Variants in BMPR1B observed in about 807,000 individuals in gnomAD.
The protein encoded by BMPR1B is bone morphogenetic protein receptor type 1B.
A neutral mutation model predicts 59.1 loss-of-function variants in BMPR1B; 12 were observed. The ratio of observed to expected loss-of-function variants is 0.20; its 90% CI spans 0.13 to 0.33. BMPR1B has a LOEUF of 0.33. BMPR1B is among the 10% of genes least tolerant of loss of function. The pLI, the probability that BMPR1B is intolerant of heterozygous loss-of-function variation, is 1.00. For missense variants in BMPR1B, 550 were observed against 610.9 expected (o/e 0.90, Z 1.05); for synonymous variants, 237 against 207.3 (o/e 1.14, Z -1.23).
At chr4:95,133,385 C>T (rs1733525008) in intron 10 of BMPR1B, among the ~76,000 whole-genome samples, 1 of 152,100 alleles carries the variant, frequency 6.6e-6, no homozygotes, top group East Asian at 1.9e-4. Flanking sequence ...TTTTCTGACC[C>T]TGGGCTATTC....
intron 1 of BMPR1B, among the ~76,000 whole-genome samples, chr4:94,789,995 G>C (rs906490682): frequency 6.6e-6 from 1 of 152,066 alleles, no homozygotes; most frequent in South Asian, 2.1e-4. Context: ...TCCACTCAAT[G>C]AGTAGTAAAT....
intron 3 of BMPR1B, among the ~76,000 whole-genome samples, chr4:95,016,185 A>C (rs1471241645): frequency 3.9e-5 from 6 of 152,246 alleles, no homozygotes; most frequent in African/African-American, 7.2e-5. Flanking sequence ...TGCAACTGCC[A>C]CAGTGACCTT....
chr4:95,009,899 AATG>A (rs1477699999), intron 3 of BMPR1B, among the ~76,000 whole-genome samples: 1 of 152,178 alleles, frequency 6.6e-6, no homozygotes, highest in East Asian at 1.9e-4. Context: ...CCGTGTGGAG[AATG>A]ATGAACTGAA....
At position 94,963,680 on chromosome 4, in the gene BMPR1B, G is replaced by C. The variant is rs181717661; in HGVS notation, c.-112-32360G>C. Among the ~76,000 whole-genome samples, 23 of 152,104 alleles carry C rather than the reference G, an allele frequency of 1.5e-4. No homozygotes were observed. In the East Asian group the frequency reaches 4.3e-3, roughly 28 times the overall value. On this transcript the variant is annotated intron_variant, in intron 2 of 12. Coordinates refer to ENST00000515059, the MANE Select transcript of BMPR1B (RefSeq NM_001203.3). ...TTGTGGAACTAGTTATGGGTTCTCT[G>C]TTCTTTTCCACTGATCTGTGTGTTT... is the stretch of plus-strand genomic sequence containing the variant.
At chr4:94,985,548 T>TGA (rs1721351937) in intron 2 of BMPR1B, among the ~76,000 whole-genome samples, 1 of 111,562 alleles carries the variant, frequency 9.0e-6, no homozygotes, top group Non-Finnish European at 2.0e-5. Flanking sequence ...TGTGTGTGTG[T>TGA]GTGTGTGTGT....
chr4:95,028,046 T>C (rs578139698), intron 3 of BMPR1B, among the ~76,000 whole-genome samples: 1 of 152,090 alleles, frequency 6.6e-6, no homozygotes, highest in Non-Finnish European at 1.5e-5. Flanking sequence ...TATAGGATGA[T>C]TGGAGACATT....
At chr4:94,918,297 T>A (rs1382866461) in intron 2 of BMPR1B, among the ~76,000 whole-genome samples, 1 of 152,216 alleles carries the variant, frequency 6.6e-6, no homozygotes, top group Non-Finnish European at 1.5e-5. Flanking sequence ...TCACACTGCA[T>A]TAATACATTT....
At position 94,833,191 on chromosome 4, in the gene BMPR1B, T is replaced by TG. The variant is rs1205925053; in HGVS notation, c.-182-42640_-182-42639insG. ...GGATGAGAGAGGCAGAGACTCTTTC[T>TG]CAAAAAAAAAAAAAAAAAAATGCAG... On this transcript the variant is annotated intron_variant, in intron 1 of 12. Transcript: ENST00000515059. Among the ~76,000 whole-genome samples, 130 of 66,944 alleles carry TG rather than the reference T, an allele frequency of 1.9e-3. 3 individuals carry two copies. The highest frequency in any genetic ancestry group is 5.2e-3 in the East Asian group (15 of 2,908). The allele number at this position is 66,944 out of a possible 152,430, so 43.9% of individuals were successfully genotyped here.
intron 3 of BMPR1B, among the ~76,000 whole-genome samples, chr4:95,094,100 G>T (rs191001287): frequency 9.2e-5 from 14 of 152,086 alleles, no homozygotes; most frequent in Non-Finnish European, 1.8e-4. Context: ...GTCTCACAGT[G>T]TTCCACGTGT....
intron 2 of BMPR1B, among the ~76,000 whole-genome samples, chr4:94,990,888 A>G (rs1031692610): frequency 6.6e-6 from 1 of 152,144 alleles, no homozygotes; most frequent in Non-Finnish European, 1.5e-5. Context: ...TGAAAGAGTG[A>G]CTTGATTCCT....
intron 1 of BMPR1B, among the ~76,000 whole-genome samples, chr4:94,769,302 G>C (rs965078025): frequency 1.3e-5 from 2 of 152,208 alleles, no homozygotes; most frequent in Middle Eastern, 3.2e-3. Flanking sequence ...CTGCTCTAAA[G>C]AGAAAGATGT....
intron 4 of BMPR1B, among the ~76,000 whole-genome samples, chr4:95,107,994 C>T (rs2149269484): frequency 6.6e-6 from 1 of 152,106 alleles, no homozygotes; most frequent in East Asian, 1.9e-4. Flanking sequence ...CCCTCCAAAT[C>T]GGTACTTCTC....
chr4:94,758,281 T>TGGCGGC (rs1222864870), intron 1 of BMPR1B, among the ~76,000 whole-genome samples: 1 of 146,078 alleles, frequency 6.8e-6, no homozygotes, highest in Non-Finnish European at 1.5e-5. Context: ...CGTGGGGCGG[T>TGGCGGC]GGCGGCGGCG....
intron 2 of BMPR1B, among the ~76,000 whole-genome samples, chr4:94,951,712 AAATTTTC>A (rs1303649993): frequency 6.6e-6 from 1 of 152,058 alleles, no homozygotes; most frequent in African/African-American, 2.4e-5. Context: ...TATTGGCCTG[AAATTTTC>A]TTTTTTTGTT....
At position 94,766,033 on chromosome 4, in the gene BMPR1B, A is replaced by G. The variant is rs1388412418; in HGVS notation, c.-183+7965A>G. 2.0e-5 allele frequency among the ~76,000 whole-genome samples: 3 copies of G among 152,332 alleles called. No homozygotes were observed. In the East Asian group the frequency reaches 5.8e-4, roughly 29 times the overall value. On this transcript the variant is annotated intron_variant, in intron 1 of 12. Transcript: ENST00000515059. ...TACATCATAGGGATGTTTGAGAATT[A>G]GAATTTTGATTTTTAAAGTGTTTAG...
intron 3 of BMPR1B, among the ~76,000 whole-genome samples, chr4:95,091,163 A>C (rs1478778425): frequency 1.3e-5 from 2 of 152,138 alleles, no homozygotes; most frequent in Non-Finnish European, 2.9e-5. Context: ...TGCCTTGCAT[A>C]GACGCAGAGG....
intron 2 of BMPR1B, among the ~76,000 whole-genome samples, chr4:94,947,425 A>G (rs1244965880): frequency 2.0e-5 from 3 of 152,340 alleles, no homozygotes; most frequent in East Asian, 3.9e-4. Flanking sequence ...TTGGCAAGGA[A>G]TAGCCCATCT....
At chr4:94,999,858 A>C (rs1480215529) in intron 3 of BMPR1B, among the ~76,000 whole-genome samples, 1 of 152,206 alleles carries the variant, frequency 6.6e-6, no homozygotes, top group African/African-American at 2.4e-5. Context: ...CTCAAACCTG[A>C]AAGGTGATAT....
intron 2 of BMPR1B, among the ~76,000 whole-genome samples, chr4:94,990,656 C>T (rs1002907392): frequency 1.3e-5 from 2 of 150,106 alleles, no homozygotes; most frequent in Non-Finnish European, 3.0e-5. Flanking sequence ...GAGTACTCAA[C>T]CTCTATGCTG....
Sources: allele counts gnomAD v4.1 joint callset (sites outside exome capture counted in the v4.1 genomes callset), GRCh38; gene constraint gnomAD v4.1.1; transcripts MANE v1.5; gene names NCBI Gene and HGNC (gene_info 2026-07-23, HGNC 2026-07-21).